The following SPAG16 variants were observed in gnomAD, a reference collection of about 807,000 sequenced individuals.
SPAG16 encodes the protein sperm-associated antigen 16 protein.
Under a neutral mutation model 80.4 loss-of-function variants are expected in SPAG16, and 86 were observed. The observed-to-expected ratio is 1.07, with a 90% CI of 0.90 to 1.28. The LOEUF is 1.28. Ranked by LOEUF, SPAG16 falls within the 50% of genes most tolerant of loss-of-function variation. The pLI is 0.00. For synonymous variants in SPAG16, 294 were observed against 265.9 expected, an observed-to-expected ratio of 1.11 and a Z score of -1.03; for missense variants, 870 against 765.3, an observed-to-expected ratio of 1.14 and a Z score of -1.61.
intron 10 of SPAG16, among the ~76,000 whole-genome samples, chr2:213,783,115 T>A (rs1014822685): frequency 2.0e-5 from 3 of 147,528 alleles, no homozygotes; most frequent in Non-Finnish European, 4.5e-5. Context: ...ATCTCATTGT[T>A]CAATTCCCAC....
chr2:213,831,731 C>T (rs1196965662), intron 10 of SPAG16, among the ~76,000 whole-genome samples: 4 of 151,978 alleles, frequency 2.6e-5, no homozygotes, highest in Admixed American at 6.6e-5. Flanking sequence ...TTATGTATGC[C>T]ACATCACCTG....
At chr2:214,355,271 A>G (rs1698699848) in intron 15 of SPAG16, among the ~76,000 whole-genome samples, 1 of 138,806 alleles carries the variant, frequency 7.2e-6, no homozygotes, top group Admixed American at 7.6e-5. Flanking sequence ...CAACCTACTC[A>G]TCTGACAAAG....
chr2:213,610,406 A>G (rs1031400588), intron 10 of SPAG16, among the ~76,000 whole-genome samples: 3 of 152,178 alleles, frequency 2.0e-5, no homozygotes, highest in East Asian at 3.9e-4. Context: ...AACACTTACC[A>G]TCTATTCTCT....
intron 10 of SPAG16, among the ~76,000 whole-genome samples, chr2:213,787,250 C>T (rs2070400519): frequency 1.3e-5 from 2 of 151,976 alleles, no homozygotes; most frequent in South Asian, 2.1e-4. Context: ...TTAAAAAATA[C>T]AAGACTTCAT....
chr2:213,743,989 TAGTTATA>T (rs2067699928), intron 10 of SPAG16, among the ~76,000 whole-genome samples: 1 of 152,222 alleles, frequency 6.6e-6, no homozygotes, highest in Admixed American at 6.5e-5. Flanking sequence ...CTTGCATGCT[TAGTTATA>T]TTTTAGTGTG....
intron 10 of SPAG16, among the ~76,000 whole-genome samples, chr2:213,493,706 G>C (rs767453063): frequency 2.6e-5 from 4 of 152,188 alleles, no homozygotes; most frequent in African/African-American, 7.2e-5. Context: ...CTCCTGAGTA[G>C]CTGGGACCAC....
chr2:213,867,499 C>A (rs1432867408), intron 11 of SPAG16, among the ~76,000 whole-genome samples: 1 of 152,102 alleles, frequency 6.6e-6, no homozygotes, highest in South Asian at 2.1e-4. Flanking sequence ...ATGATGCCTA[C>A]TTTATAGTTT....
chr2:213,726,291 G>C (rs1318146827), intron 10 of SPAG16, among the ~76,000 whole-genome samples: 1 of 152,224 alleles, frequency 6.6e-6, no homozygotes, highest in African/African-American at 2.4e-5. Context: ...CTGCACTGCA[G>C]AGGTTCTCCA....
At chr2:213,890,420 G>A (rs758510887) in intron 11 of SPAG16, among the ~76,000 whole-genome samples, 12 of 152,028 alleles carry the variant, frequency 7.9e-5, no homozygotes, top group Middle Eastern at 3.2e-3. Context: ...GTAAATGTGC[G>A]TGAGCTACAC....
At chr2:213,993,790 A>G (rs1291704497) in intron 12 of SPAG16, among the ~76,000 whole-genome samples, 1 of 152,240 alleles carries the variant, frequency 6.6e-6, no homozygotes, top group Non-Finnish European at 1.5e-5. Flanking sequence ...TGGATATGGC[A>G]TATGTAAATC....
At chr2:213,372,491 T>C (rs1299532001) in intron 8 of SPAG16, among the ~76,000 whole-genome samples, 1 of 152,124 alleles carries the variant, frequency 6.6e-6, no homozygotes, top group African/African-American at 2.4e-5. Context: ...TTTAATTAAT[T>C]GCTGCTTTTT....
At chr2:213,845,005 T>C (rs1489504115) in intron 10 of SPAG16, among the ~76,000 whole-genome samples, 2 of 152,196 alleles carry the variant, frequency 1.3e-5, no homozygotes, top group Non-Finnish European at 2.9e-5. Context: ...TAACATGGTA[T>C]ATTTGGATGA....
At chr2:213,443,383 T>A (rs931881630) in intron 9 of SPAG16, among the ~76,000 whole-genome samples, 1 of 152,232 alleles carries the variant, frequency 6.6e-6, no homozygotes, top group Non-Finnish European at 1.5e-5. Flanking sequence ...ATTCTACATA[T>A]AAGTGATATC....
At chr2:213,369,162 G>T (rs988471496) in intron 8 of SPAG16, among the ~76,000 whole-genome samples, 3 of 152,146 alleles carry the variant, frequency 2.0e-5, no homozygotes. Context: ...ATTTTAAGAT[G>T]CAGGCAAGCT....
At chr2:213,945,304 A>AGTATATATATGTGTGT (rs1491270832) in intron 12 of SPAG16, among the ~76,000 whole-genome samples, 2 of 148,248 alleles carry the variant, frequency 1.3e-5, no homozygotes, top group Admixed American at 1.3e-4. Context: ...TATATACACA[A>AGTATATATATGTGTGT]GTATATATAT....
chr2:213,407,845 G>A (rs1359475199), intron 9 of SPAG16, among the ~76,000 whole-genome samples: 1 of 130,822 alleles, frequency 7.6e-6, no homozygotes, highest in Non-Finnish European at 1.6e-5. Context: ...AGAGAGACAG[G>A]AGAGAGGCAG....
chr2:214,313,285 C>T (rs551574699), intron 15 of SPAG16, among the ~76,000 whole-genome samples: 4 of 152,058 alleles, frequency 2.6e-5, no homozygotes, highest in Non-Finnish European at 5.9e-5. Context: ...TACTATCTAC[C>T]AAACTATGTG....
At chr2:213,425,399 C>T (rs2069850359) in intron 9 of SPAG16, among the ~76,000 whole-genome samples, 1 of 152,096 alleles carries the variant, frequency 6.6e-6, no homozygotes. Flanking sequence ...CCTGTAATCC[C>T]AGCACTTTGG....
chr2:213,677,499 C>G (rs1173899712), intron 10 of SPAG16, among the ~76,000 whole-genome samples: 11 of 151,810 alleles, frequency 7.2e-5, no homozygotes, highest in Admixed American at 7.2e-4. Context: ...TTTAAACCAA[C>G]AAAGATCAAA....
Sources: allele counts gnomAD v4.1 joint callset (sites outside exome capture counted in the v4.1 genomes callset), GRCh38; gene constraint gnomAD v4.1.1; transcripts MANE v1.5; gene names NCBI Gene and HGNC (gene_info 2026-07-23, HGNC 2026-07-21).